Variants in MEIS2 observed in about 807,000 individuals in gnomAD.
The protein encoded by MEIS2 is homeobox protein Meis2.
MEIS2 carries 9 observed loss-of-function variants against 58.6 expected under a neutral mutation model. The observed-to-expected ratio is 0.15, with a 90% CI of 0.09 to 0.27. The LOEUF (loss-of-function observed/expected upper bound fraction) is 0.27, where lower values mean the gene tolerates loss of function less well. MEIS2 is among the 10% of genes least tolerant of loss of function. MEIS2 has a pLI of 1.00. For synonymous variants in MEIS2, 221 were observed against 228.4 expected (o/e 0.97, Z 0.29); for missense variants, 427 against 635.0 (o/e 0.67, Z 3.52).
intron 8 of MEIS2, among the ~76,000 whole-genome samples, chr15:37,015,275 T>C (rs1391836578): frequency 6.6e-6 from 1 of 152,208 alleles, no homozygotes. Context: ...TACTCTCCTG[T>C]GACGAATGAG....
chr15:37,012,308 G>T (rs1171699410), intron 8 of MEIS2, among the ~76,000 whole-genome samples: 2 of 152,204 alleles, frequency 1.3e-5, no homozygotes, highest in African/African-American at 4.8e-5. Flanking sequence ...ACATCTCCTT[G>T]TTCCTCAGTC....
intron 8 of MEIS2, among the ~76,000 whole-genome samples, chr15:36,992,911 A>G (rs2060348602): frequency 1.3e-5 from 2 of 152,168 alleles, no homozygotes; most frequent in African/African-American, 2.4e-5. Flanking sequence ...CTAACTTTGG[A>G]TAGAAAACAT....
rs1365751131 is a variant in MEIS2 at position 37,093,643 on chromosome 15, C to G, written c.577G>C (p.Asp193His). Residue 193 changes from aspartate to histidine, a missense_variant, in exon 6 of 12, where the codon GAC (aspartate) becomes CAC (histidine). Around this residue, in one of 6 missense-constraint regions of MEIS2, gnomAD observed 138 missense variants for 263.0 expected, o/e 0.52. Transcript: ENST00000561208. The stretch of plus-strand genomic sequence containing the variant: ...TCATGATCTGACTTGGAGCTGCCGT[C>G]TCTTTCATCAATGACGAGGTCGATG... ...MPIDLVIDERDGSSKSDHEEL... is the reference protein window; with the variant it reads ...MPIDLVIDERHGSSKSDHEEL... 1 of 1,614,060 alleles carries G rather than the reference C, an allele frequency of 6.2e-7. No individual in the cohort carries two copies. Among genetic ancestry groups the G allele is most frequent in the African/African-American group, 1.3e-5 (1 of 74,926 alleles).
chr15:36,997,636 C>T (rs749546741), intron 8 of MEIS2, among the ~76,000 whole-genome samples: 9 of 150,002 alleles, frequency 6.0e-5, no homozygotes, highest in Non-Finnish European at 1.2e-4. Context: ...CCTGCCACCA[C>T]GCCTGGCTAA....
intron 7 of MEIS2, 38 bp from the exon 8 acceptor site, chr15:37,036,997 C>T (rs764481103): frequency 4.0e-5 from 62 of 1,566,338 alleles, no homozygotes; most frequent in Middle Eastern, 3.4e-4. Flanking sequence ...GAGAAAACAT[C>T]GCAAGGTGCC....
At chr15:36,914,256 T>A (rs946414594) in intron 9 of MEIS2, among the ~76,000 whole-genome samples, 12 of 152,072 alleles carry the variant, frequency 7.9e-5, no homozygotes, top group Admixed American at 3.9e-4. Context: ...ACACAGATGA[T>A]AATAAGAAAA....
At chr15:36,932,095 C>T (rs2058004337) in intron 9 of MEIS2, among the ~76,000 whole-genome samples, 1 of 151,848 alleles carries the variant, frequency 6.6e-6, no homozygotes, top group Non-Finnish European at 1.5e-5. Flanking sequence ...TTTTAACATA[C>T]AGAGATAAAC....
chr15:37,095,689 G>A, intron 3 of MEIS2, 75 bp from the exon 4 acceptor site: 1 of 1,605,748 alleles, frequency 6.2e-7, no homozygotes, highest in Non-Finnish European at 8.5e-7. Context: ...GAATGGGTAC[G>A]GTGGAGGGCA....
In MEIS2 at chr15:37,058,907, C is replaced by T. The variant is rs866618618; in HGVS notation, c.755-21948G>A. ...AGGAAAACCCCATTTTTAAAGCAAA[C>T]ATACATATTTTGAATAAATACAAAA... is the stretch of plus-strand genomic sequence containing the variant. On this transcript the variant is annotated intron_variant, in intron 7 of 11. Transcript: ENST00000561208. Among the ~76,000 whole-genome samples, 23 of 151,138 alleles carry T rather than the reference C, an allele frequency of 1.5e-4. No homozygotes were observed. The South Asian group carries it at 2.6e-3, about 17-fold the overall frequency.
intron 11 of MEIS2, chr15:36,894,339 CT>C (rs886395003): frequency 4.8e-3 from 747 of 154,894 alleles, no homozygotes; most frequent in South Asian, 0.012. Flanking sequence ...TCTACTTTTC[CT>C]TTTTTTTTTT....
At position 37,079,544 on chromosome 15, in the gene MEIS2, G is replaced by GAA. The variant is rs11391725; in HGVS notation, c.754+4225_754+4226dup. The stretch of plus-strand genomic sequence containing the variant: ...ATATATAACTGGAATACTTTGGTGG[G>GAA]AAAAAAATACTATTTTATAACTATA... On this transcript the variant is annotated intron_variant, in intron 7 of 11. Transcript: ENST00000561208. Among the ~76,000 whole-genome samples the GAA allele has an allele frequency of 1.3e-3, 195 of 151,912 alleles. 1 individual carries two copies. The highest frequency in any genetic ancestry group is 5.1e-3 in the Admixed American group (78 of 15,222).
intron 8 of MEIS2, among the ~76,000 whole-genome samples, chr15:36,965,065 G>A (rs1480908796): frequency 1.3e-5 from 2 of 152,152 alleles, no homozygotes; most frequent in African/African-American, 4.8e-5. Flanking sequence ...ACTTGTTTGT[G>A]ATCCAGGCAG....
intron 8 of MEIS2, among the ~76,000 whole-genome samples, chr15:36,986,439 TC>T (rs1355210704): frequency 3.3e-5 from 5 of 152,230 alleles, no homozygotes; most frequent in Non-Finnish European, 7.3e-5. Flanking sequence ...ACTTGCTCCT[TC>T]CTGTGCTCTT....
At chr15:37,070,731 C>T (rs977774978) in intron 7 of MEIS2, among the ~76,000 whole-genome samples, 1 of 151,964 alleles carries the variant, frequency 6.6e-6, no homozygotes, top group Non-Finnish European at 1.5e-5. Flanking sequence ...TTAATAATTG[C>T]AACAATGCTA....
intron 8 of MEIS2, among the ~76,000 whole-genome samples, chr15:36,958,973 C>G (rs1427446180): frequency 3.3e-5 from 5 of 152,108 alleles, no homozygotes; most frequent in Admixed American, 6.5e-5. Flanking sequence ...AAATAGATTT[C>G]AAAACAGGTT....
rs1595656289 is a variant in MEIS2, at chr15:36,890,945, G to A, written c.*1228C>T. ...TTAAAATATACTCAACTGCTGGGGG[G>A]AAAAACCTACTTTTAACACTGTATA... On this transcript the variant is annotated 3_prime_UTR_variant, in exon 12 of 12. Transcript: ENST00000561208. 1 of 152,424 alleles carries A rather than the reference G, an allele frequency of 6.6e-6. No individual in the cohort carries two copies. The highest frequency in any genetic ancestry group is 1.5e-5 in the Non-Finnish European group (1 of 68,012). 9.4% of individuals were successfully genotyped at this position (152,424 alleles called of 1,614,324 possible).
chr15:36,892,235 T>G lies in MEIS2; in HGVS notation c.1372A>C (p.Thr458Pro). The change falls in exon 12 of 12, where the codon ACA becomes CCA. Residue 458 changes from threonine to proline, a missense_variant. Around this residue, in one of 6 missense-constraint regions of MEIS2, gnomAD observed 154 missense variants for 148.1 expected, o/e 1.04. Coordinates refer to ENST00000561208, the MANE Select transcript of MEIS2 (RefSeq NM_170675.5). ...TTGGGATCTACAGAATTTAACATTG[T>G]GGGGCTCTGTGCTGACATAGTCATT... ...PGMTMSAQSP[T>P]MLNSVDPNVG... The G allele has an allele frequency of 1.2e-6, 2 of 1,614,104 alleles. No individual in the cohort carries two copies. Among genetic ancestry groups the G allele is most frequent in the Non-Finnish European group, 1.7e-6 (2 of 1,180,026 alleles).
chr15:36,940,860 T>C (rs2058349844), intron 9 of MEIS2, among the ~76,000 whole-genome samples: 1 of 152,218 alleles, frequency 6.6e-6, no homozygotes, highest in South Asian at 2.1e-4. Context: ...AATCCATCTA[T>C]GGATTTTAAT....
At chr15:36,974,396 C>A (rs1393817468) in intron 8 of MEIS2, among the ~76,000 whole-genome samples, 1 of 152,160 alleles carries the variant, frequency 6.6e-6, no homozygotes, top group Admixed American at 6.5e-5. Flanking sequence ...CTCCAAAAAT[C>A]AAATTGTTCA....
Sources: allele counts gnomAD v4.1 joint callset (sites outside exome capture counted in the v4.1 genomes callset), GRCh38; gene constraint gnomAD v4.1.1; regional missense constraint gnomAD v4.1.1; transcripts MANE v1.5; gene names NCBI Gene and HGNC (gene_info 2026-07-23, HGNC 2026-07-21).